Variants in UBE2E2 observed in about 807,000 individuals in gnomAD.
UBE2E2 encodes the protein ubiquitin-conjugating enzyme E2 E2.
In UBE2E2, 6 loss-of-function variants were observed where a neutral mutation model predicts 24.7. The ratio of observed to expected loss-of-function variants is 0.24; its 90% CI spans 0.13 to 0.48. The LOEUF is 0.48. Among genes scored for constraint, UBE2E2 ranks in the 20% least tolerant of loss-of-function variants. The pLI is 0.99. For missense variants in UBE2E2, 169 were observed against 245.0 expected (o/e 0.69, Z 2.07); for synonymous variants, 104 against 83.6 (o/e 1.24, Z -1.33).
chr3:23,268,589 G>C (rs1485329728), intron 3 of UBE2E2, among the ~76,000 whole-genome samples: 1 of 147,042 alleles, frequency 6.8e-6, no homozygotes, highest in Admixed American at 6.8e-5. Context: ...CATGCTCATG[G>C]GTAGGAAGAA....
At chr3:23,282,290 C>T (rs1344993490) in intron 3 of UBE2E2, among the ~76,000 whole-genome samples, 4 of 152,252 alleles carry the variant, frequency 2.6e-5, no homozygotes, top group African/African-American at 7.2e-5. Context: ...GTATAGTTGG[C>T]GCTGGATGAA....
At chr3:23,303,595 G>A (rs1575546938) in intron 3 of UBE2E2, among the ~76,000 whole-genome samples, 1 of 152,106 alleles carries the variant, frequency 6.6e-6, no homozygotes, top group South Asian at 2.1e-4. Context: ...ATTACTCTTA[G>A]GTAATAAGAA....
In UBE2E2 at chr3:23,351,529, A is replaced by G. The variant is rs575379682; in HGVS notation, c.227+134217A>G. ...GACACACACAGGCTCAAAATAAAAG[A>G]TGGAGGAAGGTCTACCAAGCAAATG... On this transcript the variant is annotated intron_variant, in intron 3 of 5. Coordinates refer to ENST00000396703, the MANE Select transcript of UBE2E2 (RefSeq NM_152653.4). 5.9e-5 allele frequency among the ~76,000 whole-genome samples: 9 copies of G among 152,308 alleles called. 1 individual carries two copies. Among genetic ancestry groups the G allele is most frequent in the Non-Finnish European group, 8.8e-5 (6 of 68,038 alleles).
At chr3:23,277,452 G>GTGTTTACTC (rs1698396836) in intron 3 of UBE2E2, among the ~76,000 whole-genome samples, 1 of 152,098 alleles carries the variant, frequency 6.6e-6, no homozygotes. Context: ...TGTGTTTACT[G>GTGTTTACTC]TGTAAACCTC....
intron 3 of UBE2E2, among the ~76,000 whole-genome samples, chr3:23,411,198 T>C (rs1157131568): frequency 6.6e-6 from 1 of 152,178 alleles, no homozygotes. Context: ...AGGCTGTGGG[T>C]TGAGCCCTCT....
At chr3:23,428,153 A>T (rs1239071918) in intron 3 of UBE2E2, among the ~76,000 whole-genome samples, 5 of 152,232 alleles carry the variant, frequency 3.3e-5, no homozygotes, top group African/African-American at 1.2e-4. Flanking sequence ...TCACCAAGGT[A>T]AACTGCATTC....
chr3:23,293,257 T>G (rs1022772047), intron 3 of UBE2E2, among the ~76,000 whole-genome samples: 2 of 152,186 alleles, frequency 1.3e-5, no homozygotes, highest in Non-Finnish European at 2.9e-5. Context: ...TCTGTTTCAG[T>G]CTTTCTGTGT....
intron 3 of UBE2E2, among the ~76,000 whole-genome samples, chr3:23,315,652 G>A (rs1234861198): frequency 6.6e-6 from 1 of 152,108 alleles, no homozygotes; most frequent in Non-Finnish European, 1.5e-5. Context: ...TTTTCTGGAT[G>A]GTCTTAGTGC....
At chr3:23,265,730 A>G (rs889933737) in intron 3 of UBE2E2, among the ~76,000 whole-genome samples, 3 of 152,118 alleles carry the variant, frequency 2.0e-5, no homozygotes, top group African/African-American at 4.8e-5. Flanking sequence ...AGGTCTGTCT[A>G]ATGTTGACAG....
At chr3:23,529,618 G>A (rs1241806324) in intron 4 of UBE2E2, among the ~76,000 whole-genome samples, 1 of 152,008 alleles carries the variant, frequency 6.6e-6, no homozygotes, top group African/African-American at 2.4e-5. Context: ...TTTTCAAGTG[G>A]TTGCCAATAA....
intron 4 of UBE2E2, among the ~76,000 whole-genome samples, chr3:23,505,578 A>G (rs1694428234): frequency 6.6e-6 from 1 of 152,190 alleles, no homozygotes; most frequent in Admixed American, 6.5e-5. Flanking sequence ...ACAAGACAAA[A>G]AATTACACAC....
intron 3 of UBE2E2, among the ~76,000 whole-genome samples, chr3:23,382,084 A>G (rs2125351922): frequency 6.6e-6 from 1 of 151,816 alleles, no homozygotes; most frequent in African/African-American, 2.4e-5. Context: ...TTTACTTATG[A>G]TTGTCAGTTT....
chr3:23,424,797 T>A (rs1697885568), intron 3 of UBE2E2, among the ~76,000 whole-genome samples: 1 of 152,190 alleles, frequency 6.6e-6, no homozygotes, highest in South Asian at 2.1e-4. Flanking sequence ...TAAAGTAGTT[T>A]GATTTTTTAT....
intron 3 of UBE2E2, among the ~76,000 whole-genome samples, chr3:23,424,201 A>G (rs986233868): frequency 2.0e-5 from 3 of 152,122 alleles, no homozygotes; most frequent in African/African-American, 4.8e-5. Context: ...TTTTTTTTCT[A>G]TGTTGAACCA....
At chr3:23,430,422 G>A (rs535302250) in intron 3 of UBE2E2, among the ~76,000 whole-genome samples, 3 of 152,044 alleles carry the variant, frequency 2.0e-5, no homozygotes, top group South Asian at 4.2e-4. Context: ...GCTGTTACAA[G>A]ATTAAGAGTT....
intron 3 of UBE2E2, among the ~76,000 whole-genome samples, chr3:23,492,576 T>A (rs1050443335): frequency 3.3e-5 from 5 of 152,206 alleles, no homozygotes; most frequent in African/African-American, 1.2e-4. Flanking sequence ...TCCATTACCA[T>A]TAAAAGTTTA....
rs539060780 is a variant in UBE2E2, at chr3:23,238,961, T to C, written c.227+21649T>C. On this transcript the variant is annotated intron_variant, in intron 3 of 5. Coordinates refer to ENST00000396703, the MANE Select transcript of UBE2E2 (RefSeq NM_152653.4). The stretch of plus-strand genomic sequence containing the variant: ...ACCTCTAGCCGGAGAAAGAAGATAG[T>C]TTTCTATAAGATGGAAAATTTATCC... Among the ~76,000 whole-genome samples, 106 of 152,286 alleles carry C rather than the reference T, an allele frequency of 7.0e-4. 1 individual carries two copies. Among genetic ancestry groups the C allele is most frequent in the African/African-American group, 2.5e-3 (104 of 41,558 alleles).
intron 4 of UBE2E2, among the ~76,000 whole-genome samples, chr3:23,516,959 CTATT>C (rs1290949678): frequency 6.6e-6 from 1 of 152,074 alleles, no homozygotes; most frequent in East Asian, 1.9e-4. Flanking sequence ...TCAAACAAAA[CTATT>C]TATTTCTGTC....
chr3:23,426,290 C>A (rs1366400708), intron 3 of UBE2E2, among the ~76,000 whole-genome samples: 1 of 151,378 alleles, frequency 6.6e-6, no homozygotes, highest in Non-Finnish European at 1.5e-5. Flanking sequence ...ATGAGAATAC[C>A]AAACGAAGTA....
Sources: allele counts gnomAD v4.1 joint callset (sites outside exome capture counted in the v4.1 genomes callset), GRCh38; gene constraint gnomAD v4.1.1; transcripts MANE v1.5; gene names NCBI Gene and HGNC (gene_info 2026-07-23, HGNC 2026-07-21).